Variants in ATPAF1 observed in about 807,000 individuals in gnomAD.
The protein encoded by ATPAF1 is ATP synthase mitochondrial F1 complex assembly factor 1, also known as homolog of yeast ATP11.
A neutral mutation model predicts 43.9 loss-of-function variants in ATPAF1; 26 were observed. The ratio of observed to expected loss-of-function variants is 0.59; its 90% confidence interval spans 0.43 to 0.82. The LOEUF (loss-of-function observed/expected upper bound fraction) is 0.82. Ranked by LOEUF, ATPAF1 falls within the 40% of genes least tolerant of loss-of-function variation. The pLI, the probability that ATPAF1 is intolerant of heterozygous loss-of-function variation, is 0.00. For synonymous variants in ATPAF1, 157 were observed against 168.0 expected (o/e 0.93, Z 0.50); for missense variants, 366 against 435.0 (o/e 0.84, Z 1.41).
At chr1:46,664,364 A>G (rs1169674161) in intron 2 of ATPAF1, among the ~76,000 whole-genome samples, 2 of 152,244 alleles carry the variant, frequency 1.3e-5, no homozygotes, top group African/African-American at 4.8e-5. Context: ...AAACTGAGGC[A>G]TGGAGAAGTA....
intron 6 of ATPAF1, chr1:46,652,336 C>A: frequency 5.5e-6 from 2 of 366,290 alleles, no homozygotes; most frequent in Non-Finnish European, 9.9e-6. Flanking sequence ...CAGAGGCTTA[C>A]TGGGTCAAAC....
chr1:46,668,527 C>A (rs1187656294), upstream of ATPAF1: 3 of 604,110 alleles, frequency 5.0e-6, no homozygotes, highest in African/African-American at 4.0e-5. This position sits in a 1 kb window ranked among gnomAD's most constrained non-coding sequence, Gnocchi z 4.4. Flanking sequence ...GCGCTCTCGC[C>A]GCCCTGTGTA....
At chr1:46,657,273 G>A (rs1013372895) in intron 4 of ATPAF1, among the ~76,000 whole-genome samples, 4 of 152,006 alleles carry the variant, frequency 2.6e-5, no homozygotes, top group African/African-American at 9.7e-5. Context: ...ATAATTCATG[G>A]AACTATAAAG....
Position 46,653,675 on chromosome 1 carries a change from G to A in ATPAF1, c.540+142C>T. ...GAGCTTCCAATCTCTGGTGCTCAGG[G>A]CATAATAAAAACTCTCAGGGCTGTA... On this transcript the variant is annotated intron_variant, in intron 5 of 8. Transcript: ENST00000574428. This position sits in a 1 kb window ranked among gnomAD's most constrained non-coding sequence, Gnocchi z 4.8. 1 of 635,714 alleles carries A rather than the reference G, an allele frequency of 1.6e-6. No individual in the cohort carries two copies. The highest frequency in any genetic ancestry group is 2.9e-5 in the East Asian group (1 of 34,174). 39.4% of individuals were successfully genotyped at this position (635,714 alleles called of 1,614,324 possible).
chr1:46,647,017 G>C (rs927863779), intron 6 of ATPAF1, among the ~76,000 whole-genome samples: 1 of 152,328 alleles, frequency 6.6e-6, no homozygotes, highest in Non-Finnish European at 1.5e-5. Flanking sequence ...GTAGGAACAA[G>C]AGTGACTTTA....
At chr1:46,643,157 G>C (rs58805974) in intron 8 of ATPAF1, 37 bp downstream of exon 8, 1 of 1,531,454 alleles carries the variant, frequency 6.5e-7, no homozygotes, top group African/African-American at 1.4e-5. Flanking sequence ...TCAGTGCCAT[G>C]AGGTAAATCC....
rs604264 is a variant in ATPAF1 at position 46,653,676 on chromosome 1, C to A, written c.540+141G>T. ...AGCTTCCAATCTCTGGTGCTCAGGG[C>A]ATAATAAAAACTCTCAGGGCTGTAA... On this transcript the variant is annotated intron_variant, in intron 5 of 8. Coordinates refer to ENST00000574428, the Ensembl canonical transcript of ATPAF1. This position sits in a 1 kb window ranked among gnomAD's most constrained non-coding sequence, Gnocchi z 4.8. The A allele has an allele frequency of 4.7e-6, 3 of 637,760 alleles. No homozygotes were observed. In the Middle Eastern group the frequency reaches 7.7e-4, roughly 165 times the overall value. 39.5% of individuals were successfully genotyped at this position (637,760 alleles called of 1,614,324 possible). A position where few individuals can be genotyped will look rare whatever the true frequency, so the allele number is the denominator to read the frequency against.
chr1:46,634,222 C>T (rs1224686676), downstream of ATPAF1: 1 of 230,570 alleles, frequency 4.3e-6, no homozygotes, highest in Non-Finnish European at 8.5e-6. Flanking sequence ...CACACACACA[C>T]AAACTGCGAA....
chr1:46,659,495 G>A (rs1569631289), intron 2 of ATPAF1, among the ~76,000 whole-genome samples: 1 of 152,032 alleles, frequency 6.6e-6, no homozygotes, highest in Non-Finnish European at 1.5e-5. Context: ...CACTTTGATG[G>A]TAGGCATCCT....
At chr1:46,664,522 T>C (rs1366286252) in intron 2 of ATPAF1, 3 of 152,374 alleles carry the variant, frequency 2.0e-5, no homozygotes, top group Admixed American at 6.5e-5. Flanking sequence ...CTTATTTCTT[T>C]AGCCTTAACA....
At chr1:46,633,286 T>G (rs1341381018), downstream of ATPAF1, 1 of 165,612 alleles carries the variant, frequency 6.0e-6, no homozygotes, top group East Asian at 1.9e-4. Context: ...AAATGCTAAC[T>G]TGTATTAGTC....
rs908988883 is a variant in ATPAF1, at chr1:46,653,325, G to C, written c.540+492C>G. 6.6e-6 allele frequency among the ~76,000 whole-genome samples: 1 copy of C among 152,046 alleles called. No homozygotes were observed. Among genetic ancestry groups the C allele is most frequent in the Admixed American group, 6.6e-5 (1 of 15,250 alleles). ...GACCTTAATGGTCAAGCAGTAGATGGTGACCATCTCTAAGAATAATTTCAA... is the reference window on the plus strand; with the variant it reads ...GACCTTAATGGTCAAGCAGTAGATGCTGACCATCTCTAAGAATAATTTCAA... On this transcript the variant is annotated intron_variant, in intron 5 of 8. Transcript: ENST00000574428. The surrounding 1 kb of genome is among the most constrained non-coding windows in gnomAD (Gnocchi z 4.8).
chr1:46,660,955 T>C (rs12733214), intron 2 of ATPAF1, among the ~76,000 whole-genome samples: 57,751 of 124,928 alleles, frequency 0.46, 12,613 homozygotes, highest in Middle Eastern at 0.51. Flanking sequence ...CCTAGAACCT[T>C]TTTTTTTTAA....
chr1:46,640,982 C>T (rs1474597002), intron 8 of ATPAF1, among the ~76,000 whole-genome samples: 1 of 152,194 alleles, frequency 6.6e-6, no homozygotes, highest in Non-Finnish European at 1.5e-5. Context: ...AAGATCAACC[C>T]CTCATTACCA....
intron 6 of ATPAF1, among the ~76,000 whole-genome samples, chr1:46,646,090 G>C (rs1390482328): frequency 6.6e-6 from 1 of 152,240 alleles, no homozygotes; most frequent in Non-Finnish European, 1.5e-5. Flanking sequence ...CAGGAGGACT[G>C]ATTGAGCCCA....
chr1:46,663,235 A>G (rs1676427959), intron 2 of ATPAF1, among the ~76,000 whole-genome samples: 1 of 152,250 alleles, frequency 6.6e-6, no homozygotes, highest in African/African-American at 2.4e-5. Flanking sequence ...TAGTGCCGCA[A>G]TAAACATACA....
Position 46,658,963 on chromosome 1 carries a change from G to A in ATPAF1, c.376-226C>T, listed in dbSNP as rs61159862. Among the ~76,000 whole-genome samples, 226 of 152,254 alleles carry A rather than the reference G, an allele frequency of 1.5e-3. 1 individual carries two copies. The highest frequency in any genetic ancestry group is 5.2e-3 in the African/African-American group (217 of 41,540). The stretch of plus-strand genomic sequence containing the variant: ...TCCCAGCACTTTGGGAAGCCGAGGC[G>A]AGAGAATCATAAGGTCAGGAGTTCG... On this transcript the variant is annotated intron_variant, in intron 2 of 8. Transcript: ENST00000574428.
intron 6 of ATPAF1, among the ~76,000 whole-genome samples, chr1:46,647,046 C>T (rs1470195277): frequency 6.6e-6 from 1 of 152,156 alleles, no homozygotes; most frequent in African/African-American, 2.4e-5. Context: ...GCTAGTCCAC[C>T]GTGTGACTTC....
In ATPAF1 at chr1:46,650,395, G is replaced by T. The variant is rs571702798; in HGVS notation, c.588+2186C>A. On this transcript the variant is annotated intron_variant, in intron 6 of 8. Transcript: ENST00000574428. ...AAAAAAATGCTGGTGAAGATGTGGA[G>T]AAAGAGGAACTTTTGTATAATATTG... is the stretch of plus-strand genomic sequence containing the variant. Among the ~76,000 whole-genome samples the T allele has an allele frequency of 6.9e-4, 105 of 151,494 alleles. 1 individual carries two copies. The highest frequency in any genetic ancestry group is 2.1e-3 in the Admixed American group (32 of 15,222).
Sources: allele counts gnomAD v4.1 joint callset (sites outside exome capture counted in the v4.1 genomes callset), GRCh38; gene constraint gnomAD v4.1.1; non-coding constraint Gnocchi (gnomAD v3.1); transcripts MANE v1.5; gene names NCBI Gene and HGNC (gene_info 2026-07-23, HGNC 2026-07-21).